The following NCAN variants were observed in gnomAD, a reference collection of about 807,000 sequenced individuals.
The protein encoded by NCAN is neurocan core protein.
NCAN carries 47 observed loss-of-function variants against 121.8 expected under a neutral mutation model. The observed-to-expected ratio is 0.39, with a 90% CI of 0.31 to 0.49. The LOEUF (loss-of-function observed/expected upper bound fraction) is 0.49. Among genes scored for constraint, NCAN ranks in the 20% least tolerant of loss-of-function variants. The pLI is 0.92. For synonymous variants in NCAN, 633 were observed against 702.0 expected, an observed-to-expected ratio of 0.90 and a Z score of 1.55; for missense variants, 1,517 against 1,773.4, an observed-to-expected ratio of 0.86 and a Z score of 2.60.
In NCAN at chr19:19,248,825, A is replaced by T; in HGVS notation, c.3763A>T (p.Thr1255Ser). ...NEGFAQHHVATIRCRSNGKWD... is the reference protein window; with the variant it reads ...NEGFAQHHVASIRCRSNGKWD... ...AGGATTTGCCCAGCACCATGTGGCC[A>T]CCATTCGATGCCGGAGCAATGGCAA... Residue 1255 changes from threonine to serine, a missense_variant, in exon 14 of 15, where the codon ACC (threonine) becomes TCC (serine). Physicochemically the swap from Thr to Ser is moderately conservative, Grantham distance 58. Coordinates refer to ENST00000252575, the MANE Select transcript of NCAN (RefSeq NM_004386.3). 1.2e-6 allele frequency: 2 copies of T among 1,614,222 alleles called. No homozygotes were observed. Among genetic ancestry groups the T allele is most frequent in the Non-Finnish European group, 1.7e-6 (2 of 1,180,038 alleles).
intron 9 of NCAN, 30 bp downstream of exon 9, chr19:19,233,935 T>TGGG: frequency 7.1e-7 from 1 of 1,405,902 alleles, no homozygotes; most frequent in East Asian, 2.3e-5. Flanking sequence ...GATCTGAATC[T>TGGG]GAATTTGTTT....
intron 1 of NCAN, among the ~76,000 whole-genome samples, chr19:19,216,156 G>T (rs948689237): frequency 6.6e-6 from 1 of 152,056 alleles, no homozygotes. Flanking sequence ...TTGTTGTGTT[G>T]TGTTTTGTTT....
chr19:19,227,923 C>G lies in NCAN; in HGVS notation c.2303C>G (p.Thr768Ser). 1 of 1,613,656 alleles carries G rather than the reference C, an allele frequency of 6.2e-7. No homozygotes were observed. The highest frequency in any genetic ancestry group is 8.5e-7 in the Non-Finnish European group (1 of 1,180,018). The change falls in exon 8 of 15, where the codon ACT becomes AGT. Residue 768 changes from threonine (T) to serine (S), a missense_variant. Coordinates refer to ENST00000252575, the MANE Select transcript of NCAN (RefSeq NM_004386.3). This position sits in a 1 kb window ranked among gnomAD's most constrained non-coding sequence, Gnocchi z 4.2. ...SGVFDTAESP[T>S]SGLQATVDEV... ...GTCTTCGACACAGCAGAAAGCCCCA[C>G]TTCTGGCTTGCAGGCCACTGTAGAT...
chr19:19,234,229 G>A (rs1287612691), intron 9 of NCAN, among the ~76,000 whole-genome samples: 2 of 152,092 alleles, frequency 1.3e-5, no homozygotes, highest in African/African-American at 4.8e-5. Flanking sequence ...GTCGGTGGGA[G>A]GTATAAGCAC....
At chr19:19,249,649 G>A (rs2060939165) in intron 14 of NCAN, 117 bp from the exon 15 acceptor site, 2 of 1,442,110 alleles carry the variant, frequency 1.4e-6, no homozygotes, top group African/African-American at 1.4e-5. Flanking sequence ...TGACAGGGAT[G>A]AGCCCTCGCG....
At chr19:19,241,725 A>T (rs2060903989) in intron 12 of NCAN, among the ~76,000 whole-genome samples, 1 of 152,044 alleles carries the variant, frequency 6.6e-6, no homozygotes. Context: ...CACATGACCC[A>T]GCGATTCTAC....
intron 8 of NCAN, among the ~76,000 whole-genome samples, chr19:19,229,567 G>A (rs548004516): frequency 1.3e-5 from 2 of 152,322 alleles, no homozygotes; most frequent in Admixed American, 1.3e-4. Flanking sequence ...GGCTCAGGGA[G>A]GTAAAACGCC....
At position 19,227,962 on chromosome 19, in the gene NCAN, C is replaced by G. The variant is rs772145163; in HGVS notation, c.2342C>G (p.Pro781Arg). ...LQATVDEVQD[P>R]WPSVYSKGLD... ...GCCACTGTAGATGAGGTGCAGGACC[C>G]CTGGCCCTCAGTGTACAGCAAAGGG... Residue 781 changes from proline (P) to arginine (R), a missense_variant, in exon 8 of 15, where the codon CCC (proline) becomes CGC (arginine). Pro to Arg is a moderately radical substitution (Grantham distance 103, BLOSUM62 -2). Coordinates refer to ENST00000252575, the MANE Select transcript of NCAN (RefSeq NM_004386.3). The surrounding 1 kb of genome is among the most constrained non-coding windows in gnomAD (Gnocchi z 4.2). 6 of 1,613,246 alleles carry G rather than the reference C, an allele frequency of 3.7e-6. No homozygotes were observed. The African/African-American group carries it at 6.7e-5, about 18-fold the overall frequency.
rs906892942 is a variant in NCAN at position 19,225,333 on chromosome 19, G to T, written c.1072+63G>T. ...TCACTTTGGCGAAGGCCACGTCCCT[G>T]AAAGCCTCGCCAAGCCAAGGGAGAG... On this transcript the variant is annotated intron_variant, in intron 6 of 14. Coordinates refer to ENST00000252575, the MANE Select transcript of NCAN (RefSeq NM_004386.3). This position sits in a 1 kb window ranked among gnomAD's most constrained non-coding sequence, Gnocchi z 4.0. 1 of 1,444,992 alleles carries T rather than the reference G, an allele frequency of 6.9e-7. No individual in the cohort carries two copies. The highest frequency in any genetic ancestry group is 9.0e-7 in the Non-Finnish European group (1 of 1,111,948). The allele number at this position is 1,444,992 out of a possible 1,614,324, so 89.5% of individuals were successfully genotyped here.
intron 2 of NCAN, among the ~76,000 whole-genome samples, 175 bp from the exon 3 acceptor site, chr19:19,218,740 G>A (rs1309950854): frequency 6.6e-6 from 1 of 152,172 alleles, no homozygotes; most frequent in Non-Finnish European, 1.5e-5. Flanking sequence ...TCAAAGTGCT[G>A]GGGTTACAGG....
chr19:19,235,184 C>G, intron 10 of NCAN, 88 bp downstream of exon 10: 1 of 714,308 alleles, frequency 1.4e-6, no homozygotes, highest in African/African-American at 1.7e-5. Context: ...CAGGTCCCTG[C>G]CTCCAGTTCC....
chr19:19,216,601 C>T (rs2060797057), intron 1 of NCAN, among the ~76,000 whole-genome samples: 1 of 152,228 alleles, frequency 6.6e-6, no homozygotes, highest in South Asian at 2.1e-4. Flanking sequence ...TGAGCCACCA[C>T]GCCTGGCTGC....
intron 12 of NCAN, among the ~76,000 whole-genome samples, chr19:19,241,126 C>T (rs1407974441): frequency 6.6e-6 from 1 of 151,980 alleles, no homozygotes; most frequent in Non-Finnish European, 1.5e-5. Context: ...TGTGGTGGCC[C>T]ACGCCTCTAA....
rs533355612 is a variant in NCAN, at chr19:19,246,068, G to A, written c.3637+611G>A. On this transcript the variant is annotated intron_variant, in intron 13 of 14. Transcript: ENST00000252575. ...TATTTATGTTTTTGGAGACAGTTTC[G>A]CTCTTGTTGTCCAGGCTGGAGTGCA... Among the ~76,000 whole-genome samples, 60 of 151,632 alleles carry A rather than the reference G, an allele frequency of 4.0e-4. 1 individual carries two copies. The highest frequency in any genetic ancestry group is 1.3e-3 in the African/African-American group (55 of 41,324).
At position 19,234,970 on chromosome 19, in the gene NCAN, C is replaced by T; in HGVS notation, c.3137-13C>T. 6.3e-7 allele frequency: 1 copy of T among 1,580,324 alleles called. No homozygotes were observed. Among genetic ancestry groups the T allele is most frequent in the Non-Finnish European group, 8.7e-7 (1 of 1,152,224 alleles). On this transcript the variant is annotated splice_polypyrimidine_tract_variant and intron_variant, in intron 9 of 14. Transcript: ENST00000252575. ...AGCTGACCTCTAACTCAGTCTCTTCCCCTCTCTGCCAGACATTGATGACTG... is the reference window on the plus strand; with the variant it reads ...AGCTGACCTCTAACTCAGTCTCTTCTCCTCTCTGCCAGACATTGATGACTG...
At chr19:19,213,218 A>G (rs1599804232) in intron 1 of NCAN, among the ~76,000 whole-genome samples, 1 of 152,204 alleles carries the variant, frequency 6.6e-6, no homozygotes, top group East Asian at 1.9e-4. Flanking sequence ...TTCTGAAATC[A>G]AGTTCCCCCT....
Position 19,243,828 on chromosome 19 carries a change from C to G in NCAN, c.3493-1485C>G, listed in dbSNP as rs533157964. Among the ~76,000 whole-genome samples, 4 of 152,202 alleles carry G rather than the reference C, an allele frequency of 2.6e-5. No homozygotes were observed. In the East Asian group the frequency reaches 5.8e-4, roughly 22 times the overall value. ...GGATCGCGAGGTCAGGAGTTCAAGACCAGCCTGGCCAACATGGTGAAACCC... is the reference window on the plus strand; with the variant it reads ...GGATCGCGAGGTCAGGAGTTCAAGAGCAGCCTGGCCAACATGGTGAAACCC... On this transcript the variant is annotated intron_variant, in intron 12 of 14. Coordinates refer to ENST00000252575, the MANE Select transcript of NCAN (RefSeq NM_004386.3).
Position 19,240,700 on chromosome 19 carries a change from C to A in NCAN, c.3492+15C>A, listed in dbSNP as rs974370701. On this transcript the variant is annotated intron_variant, in intron 12 of 14. Transcript: ENST00000252575. ...ACACCGGGCTGGTGAGTGGCAGGGGCTGCGGGCCTAGGCTGCTGAGCCACA... is the reference window on the plus strand; with the variant it reads ...ACACCGGGCTGGTGAGTGGCAGGGGATGCGGGCCTAGGCTGCTGAGCCACA... 1 of 1,612,974 alleles carries A rather than the reference C, an allele frequency of 6.2e-7. No individual in the cohort carries two copies. The highest frequency in any genetic ancestry group is 1.7e-5 in the Admixed American group (1 of 60,022).
At chr19:19,242,808 G>A (rs959366857) in intron 12 of NCAN, among the ~76,000 whole-genome samples, 2 of 152,120 alleles carry the variant, frequency 1.3e-5, no homozygotes, top group African/African-American at 4.8e-5. Context: ...ACAAAATGTG[G>A]TCCATCCATG....
Sources: allele counts gnomAD v4.1 joint callset (sites outside exome capture counted in the v4.1 genomes callset), GRCh38; gene constraint gnomAD v4.1.1; non-coding constraint Gnocchi (gnomAD v3.1); transcripts MANE v1.5; gene names NCBI Gene and HGNC (gene_info 2026-07-23, HGNC 2026-07-21).